Variants in SARDH observed in about 807,000 individuals in gnomAD.
The protein encoded by SARDH is sarcosine dehydrogenase.
Under a neutral mutation model 109.1 loss-of-function variants are expected in SARDH, and 95 were observed. The ratio of observed to expected loss-of-function variants is 0.87; its 90% CI spans 0.74 to 1.03. The LOEUF (loss-of-function observed/expected upper bound fraction) is 1.03, where lower values mean the gene tolerates loss of function less well. Ranked by LOEUF, SARDH falls within the 50% of genes least tolerant of loss-of-function variation. The pLI, the probability that SARDH is intolerant of heterozygous loss-of-function variation, is 0.00. For synonymous variants in SARDH, 572 were observed against 534.8 expected (o/e 1.07, Z -0.96); for missense variants, 1,267 against 1,287.8 (o/e 0.98, Z 0.25).
intron 6 of SARDH, among the ~76,000 whole-genome samples, chr9:133,722,098 A>G (rs1180678833): frequency 6.6e-6 from 1 of 151,012 alleles, no homozygotes; most frequent in Non-Finnish European, 1.5e-5. Context: ...CCTGGGCAAC[A>G]GAGTCTCACT....
rs376616369 is a variant in SARDH, at chr9:133,734,181, C to T, written c.-8G>A. 170 of 1,562,916 alleles carry T rather than the reference C, an allele frequency of 1.1e-4. No individual in the cohort carries two copies. The highest frequency in any genetic ancestry group is 1.7e-4 in the South Asian group (15 of 85,760). On this transcript the variant is annotated 5_prime_UTR_variant, in exon 2 of 21. Coordinates refer to ENST00000439388, the MANE Select transcript of SARDH (RefSeq NM_001134707.2). ...TCGGCTCAGTGAGGCCATGGGGGCTCCAGGCCTCAGCGAAACAGGGAGCTG... is the reference window on the plus strand; with the variant it reads ...TCGGCTCAGTGAGGCCATGGGGGCTTCAGGCCTCAGCGAAACAGGGAGCTG...
At position 133,708,321 on chromosome 9, in the gene SARDH, G is replaced by A. The variant is rs1242460552; in HGVS notation, c.1436C>T (p.Ala479Val). Residue 479 changes from alanine to valine, a missense_variant, in exon 11 of 21, where the codon GCC becomes GTC. By Grantham distance (64) the Ala-to-Val change is moderately conservative. Transcript: ENST00000439388. The part of the protein sequence containing the change: ...SVVFPHDEPL[A>V]GRNMRRDPLH... ...CGGGTCTCTCCTCATGTTGCGCCCG[G>A]CCAGCGGCTCATCGTGGGGGAAGAC... 1 of 1,613,336 alleles carries A rather than the reference G, an allele frequency of 6.2e-7. No homozygotes were observed. The highest frequency in any genetic ancestry group is 1.1e-5 in the South Asian group (1 of 91,070).
intron 1 of SARDH, among the ~76,000 whole-genome samples, chr9:133,734,412 T>TTCAC (rs756689169): frequency 7.9e-6 from 1 of 127,322 alleles, no homozygotes; most frequent in Non-Finnish European, 1.6e-5. Flanking sequence ...CATTCACTCA[T>TTCAC]TCATTCATTC....
chr9:133,671,029 C>T lies in SARDH; in HGVS notation c.2327-277G>A, dbSNP rs560166245. ...TTGTGAAGGGGGAGCTTCCCAATGC[C>T]CAAGCTGGGTGCCCAACACCCAGGG... On this transcript the variant is annotated intron_variant, in intron 18 of 20. Coordinates refer to ENST00000439388, the MANE Select transcript of SARDH (RefSeq NM_001134707.2). 8.9e-4 allele frequency among the ~76,000 whole-genome samples: 135 copies of T among 152,210 alleles called. 3 individuals are homozygous for T. In the East Asian group the frequency reaches 0.025, roughly 28 times the overall value.
intron 17 of SARDH, among the ~76,000 whole-genome samples, chr9:133,672,683 T>C (rs574085439): frequency 6.6e-6 from 1 of 152,316 alleles, no homozygotes; most frequent in Admixed American, 6.5e-5. Flanking sequence ...AAGACAGCCA[T>C]AGCCTCTGCC....
intron 1 of SARDH, among the ~76,000 whole-genome samples, chr9:133,735,312 C>T (rs559475546): frequency 4.1e-4 from 63 of 152,312 alleles, no homozygotes; most frequent in African/African-American, 1.5e-3. Flanking sequence ...GCTCAGAAGC[C>T]GGGTTAACAG....
At chr9:133,673,392 G>A (rs1240718103) in intron 17 of SARDH, among the ~76,000 whole-genome samples, 1 of 152,226 alleles carries the variant, frequency 6.6e-6, no homozygotes, top group African/African-American at 2.4e-5. Context: ...CTGACTGCAG[G>A]ATCCCAGACA....
chr9:133,686,935 C>T lies in SARDH; in HGVS notation c.2070-1649G>A, dbSNP rs371968036. The stretch of plus-strand genomic sequence containing the variant: ...TCTGCAGCCTTGAGTGGCAGCCGCA[C>T]GGAAGGGACCCTGGGGCAGAAGCCT... On this transcript the variant is annotated intron_variant, in intron 16 of 20. Transcript: ENST00000439388. This position sits in a 1 kb window ranked among gnomAD's most constrained non-coding sequence, Gnocchi z 4.0. 2.2e-4 allele frequency among the ~76,000 whole-genome samples: 34 copies of T among 152,254 alleles called. No individual in the cohort carries two copies. The highest frequency in any genetic ancestry group is 6.0e-4 in the African/African-American group (25 of 41,560).
At chr9:133,735,619 G>A (rs9409853) in intron 1 of SARDH, among the ~76,000 whole-genome samples, 6 of 152,198 alleles carry the variant, frequency 3.9e-5, no homozygotes, top group South Asian at 2.1e-4. Context: ...AACTGAGCTC[G>A]TTCAAGCAAA....
rs1448863786 is a variant in SARDH, at chr9:133,696,251, G to A, written c.1779C>T (p.Leu593=). 6.2e-7 allele frequency: 1 copy of A among 1,614,114 alleles called. No individual in the cohort carries two copies. The highest frequency in any genetic ancestry group is 8.5e-7 in the Non-Finnish European group (1 of 1,180,030). Residue 593 remains leucine, a synonymous_variant, in exon 14 of 21, where the codon CTC becomes CTT. Transcript: ENST00000439388. The part of the protein sequence containing the change: ...GLDARKAADW[L]FSADVSRPPG... ...GGGGTCGGCTGACATCTGCGGAGAA[G>A]AGCCAGTCGGCAGCCTTCCTTGCAT...
chr9:133,700,486 C>T (rs988101940), intron 13 of SARDH, among the ~76,000 whole-genome samples: 30 of 152,096 alleles, frequency 2.0e-4, no homozygotes, highest in African/African-American at 6.3e-4. Context: ...TTACGTGAAA[C>T]GTCCAAACTA....
chr9:133,727,311 C>A (rs760041829), intron 6 of SARDH, among the ~76,000 whole-genome samples: 7 of 152,328 alleles, frequency 4.6e-5, no homozygotes, highest in Admixed American at 1.3e-4. Flanking sequence ...ACACGTGAGA[C>A]CTGAGCCCTC....
At chr9:133,736,637 C>T (rs1832895427) in intron 1 of SARDH, among the ~76,000 whole-genome samples, 1 of 152,202 alleles carries the variant, frequency 6.6e-6, no homozygotes, top group African/African-American at 2.4e-5. Context: ...CTCAGGTGAT[C>T]CGCCTGCCTC....
chr9:133,668,226 G>C (rs1337595621), intron 19 of SARDH, among the ~76,000 whole-genome samples: 1 of 151,284 alleles, frequency 6.6e-6, no homozygotes, highest in African/African-American at 2.4e-5. Context: ...GAGCCTGACA[G>C]GCACCCAGGG....
chr9:133,696,077 CG>C (rs35905090), intron 14 of SARDH, 145 bp downstream of exon 14: 793,829 of 878,806 alleles, frequency 0.9, 360,572 homozygotes, highest in East Asian at 1. Flanking sequence ...GGGGGCCGGA[CG>C]GGGGGGAGCT....
intron 17 of SARDH, among the ~76,000 whole-genome samples, chr9:133,683,395 A>G (rs1448802959): frequency 2.0e-5 from 3 of 152,236 alleles, no homozygotes; most frequent in Admixed American, 6.5e-5. Flanking sequence ...GCCAAGCCTC[A>G]GCAAGGTGGG....
chr9:133,689,619 G>A (rs564569318), intron 16 of SARDH, among the ~76,000 whole-genome samples: 2 of 152,272 alleles, frequency 1.3e-5, no homozygotes, highest in East Asian at 3.9e-4. Context: ...GTAAAAATAA[G>A]AACAATTATG....
At chr9:133,733,321 C>T (rs1229394434) in intron 2 of SARDH, among the ~76,000 whole-genome samples, 1 of 152,234 alleles carries the variant, frequency 6.6e-6, no homozygotes, top group East Asian at 1.9e-4. Context: ...GTCAGGAGAT[C>T]CAGTTTGCCA....
chr9:133,732,891 A>G (rs777508965), intron 2 of SARDH, among the ~76,000 whole-genome samples: 16 of 152,170 alleles, frequency 1.1e-4, no homozygotes, highest in Non-Finnish European at 2.1e-4. Flanking sequence ...GTCATGCCCT[A>G]TGAGGAGGGC....
Sources: allele counts gnomAD v4.1 joint callset (sites outside exome capture counted in the v4.1 genomes callset), GRCh38; gene constraint gnomAD v4.1.1; non-coding constraint Gnocchi (gnomAD v3.1); transcripts MANE v1.5; gene names NCBI Gene and HGNC (gene_info 2026-07-23, HGNC 2026-07-21).